CLASRP: variants seen among roughly 807,000 people sequenced by gnomAD.
The protein encoded by CLASRP is CLK4-associating serine/arginine rich protein.
A neutral mutation model predicts 99.9 loss-of-function variants in CLASRP; 52 were observed. The ratio of observed to expected loss-of-function variants is 0.52; its 90% CI spans 0.42 to 0.66. The LOEUF (loss-of-function observed/expected upper bound fraction) is 0.66. Among genes scored for constraint, CLASRP ranks in the 30% least tolerant of loss-of-function variants. The pLI is 0.00. For missense variants in CLASRP, 848 were observed against 999.2 expected (o/e 0.85, Z 2.04); for synonymous variants, 379 against 373.0 (o/e 1.02, Z -0.18).
rs771378485 is a variant in CLASRP, at chr19:45,052,158, C to A, written c.187C>A (p.Pro63Thr). 1 of 1,613,780 alleles carries A rather than the reference C, an allele frequency of 6.2e-7. No homozygotes were observed. The highest frequency in any genetic ancestry group is 8.5e-7 in the Non-Finnish European group (1 of 1,179,914). ...DSAVALAAES[P>T]VNMMPWQGDT... ...TGCAGTCGCCCTGGCCGCTGAGAGC[C>A]CTGTTAATATGTAAGACTGATATGG... is the stretch of plus-strand genomic sequence containing the variant. Residue 63 changes from proline to threonine, a missense_variant, in exon 3 of 21, where the codon CCT becomes ACT. By Grantham distance (38) the Pro-to-Thr change is conservative. Transcript: ENST00000221455.
chr19:45,061,512 AGG>A (rs1372928818), intron 10 of CLASRP, among the ~76,000 whole-genome samples: 2 of 151,812 alleles, frequency 1.3e-5, no homozygotes, highest in Non-Finnish European at 2.9e-5. Context: ...TCTGTCACCC[AGG>A]CTGGAGTGCA....
intron 19 of CLASRP, among the ~76,000 whole-genome samples, 188 bp downstream of exon 19, chr19:45,070,292 GAC>G (rs1967207703): frequency 6.6e-6 from 1 of 152,038 alleles, no homozygotes; most frequent in African/African-American, 2.4e-5. Flanking sequence ...CCAACATGGT[GAC>G]ACACATACGT....
chr19:45,058,336 C>T (rs1972161634), intron 7 of CLASRP: 1 of 162,644 alleles, frequency 6.1e-6, no homozygotes, highest in Admixed American at 5.8e-5. Flanking sequence ...CCCCAAGTCT[C>T]TCTGTTTTTC....
rs1367973044 is a variant in CLASRP, at chr19:45,056,521, G to T, written c.451G>T (p.Asp151Tyr). The T allele has an allele frequency of 6.2e-7, 1 of 1,613,800 alleles. No individual in the cohort carries two copies. Among genetic ancestry groups the T allele is most frequent in the Non-Finnish European group, 8.5e-7 (1 of 1,179,966 alleles). ...CGGAGGCCTCCAGAGACCCAGCGAA[G>T]ATGAGAAGAAGAAGTGAGTCGGGGT... Reference protein sequence around the residue: ...LYGGLQRPSEDEKKKLAEKKA... With the variant: ...LYGGLQRPSEYEKKKLAEKKA... Residue 151 changes from aspartate to tyrosine, a missense_variant, in exon 6 of 21, where the codon GAT becomes TAT. Around this residue, in one of 8 missense-constraint regions of CLASRP, gnomAD observed 119 missense variants for 170.2 expected, o/e 0.70. Coordinates refer to ENST00000221455, the MANE Select transcript of CLASRP (RefSeq NM_007056.3).
chr19:45,069,375 G>C (rs1296834715), intron 18 of CLASRP, 127 bp downstream of exon 18: 2 of 914,108 alleles, frequency 2.2e-6, no homozygotes, highest in Admixed American at 2.0e-5. Context: ...ATCCCTGCCT[G>C]GCCCTCGGGG....
At chr19:45,059,212 T>C (rs1966885550) in intron 7 of CLASRP, 56 bp from the exon 8 acceptor site, 10 of 1,473,102 alleles carry the variant, frequency 6.8e-6, no homozygotes, top group Admixed American at 1.9e-5. Context: ...GCACTGCCCC[T>C]TCTCCCCTGT....
At chr19:45,056,564 GAGGAGGC>G (rs1568416222) in intron 6 of CLASRP, 30 bp downstream of exon 6, 1 of 1,580,466 alleles carries the variant, frequency 6.3e-7, no homozygotes. Context: ...GCAGGGGGTT[GAGGAGGC>G]AGGAGGGCTG....
intron 2 of CLASRP, among the ~76,000 whole-genome samples, chr19:45,045,890 A>T (rs749784749): frequency 2.0e-5 from 3 of 152,128 alleles, no homozygotes; most frequent in Non-Finnish European, 4.4e-5. Context: ...GGTGCAGAGG[A>T]AGGAAGGCTG....
intron 2 of CLASRP, among the ~76,000 whole-genome samples, chr19:45,042,180 A>G (rs913416557): frequency 2.6e-5 from 4 of 152,156 alleles, no homozygotes; most frequent in African/African-American, 9.7e-5. Context: ...CGTCTCTACT[A>G]AAAATACAGA....
chr19:45,040,395 AGTAT>A, intron 2 of CLASRP, 84 bp downstream of exon 2: 1 of 891,932 alleles, frequency 1.1e-6, no homozygotes, highest in Non-Finnish European at 1.8e-6. Context: ...TGGGCTTGGA[AGTAT>A]GTCAAGACAA....
At chr19:45,043,687 C>T (rs1008647677) in intron 2 of CLASRP, among the ~76,000 whole-genome samples, 1 of 152,096 alleles carries the variant, frequency 6.6e-6, no homozygotes, top group Non-Finnish European at 1.5e-5. Context: ...CTCTTACTTC[C>T]ACTCAGCAGA....
At position 45,064,396 on chromosome 19, in the gene CLASRP, C is replaced by T. The variant is rs1228250380; in HGVS notation, c.1175C>T (p.Ser392Phe). The T allele has an allele frequency of 2.0e-6, 3 of 1,531,712 alleles. No individual in the cohort carries two copies. The highest frequency in any genetic ancestry group is 1.7e-4 in the Middle Eastern group (1 of 5,910). The allele number at this position is 1,531,712 out of a possible 1,614,324, so 94.9% of individuals were successfully genotyped here. A position where few individuals can be genotyped will look rare whatever the true frequency, so the allele number is the denominator to read the frequency against. ...TCTTCTGCCTCGAGGACCTCCAGCT[C>T]CCGCTCCAGCTCTCGCTCCAGCTCC... ...SSSSASRTSS[S>F]RSSSRSSSRS... The change falls in exon 13 of 21, where the codon TCC (serine) becomes TTC (phenylalanine). Residue 392 changes from serine (S) to phenylalanine (F), a missense_variant. By Grantham distance (155) the Ser-to-Phe change is radical. Coordinates refer to ENST00000221455, the MANE Select transcript of CLASRP (RefSeq NM_007056.3).
intron 2 of CLASRP, among the ~76,000 whole-genome samples, chr19:45,041,767 G>A (rs985170099): frequency 2.0e-5 from 3 of 152,156 alleles, no homozygotes; most frequent in Non-Finnish European, 4.4e-5. Context: ...GTCCTGCATG[G>A]CCTGGCCTTT....
intron 15 of CLASRP, 110 bp from the exon 16 acceptor site, chr19:45,068,310 C>T (rs1967141386): frequency 2.3e-5 from 14 of 603,872 alleles, no homozygotes; most frequent in South Asian, 2.0e-4. Context: ...CCACGTCGTT[C>T]TCCCCCCCCC....
At position 45,052,887 on chromosome 19, in the gene CLASRP, C is replaced by A; in HGVS notation, c.294C>A (p.Thr98=). The change falls in exon 4 of 21, where the codon ACC becomes ACA. Residue 98 remains threonine, a synonymous_variant. Coordinates refer to ENST00000221455, the MANE Select transcript of CLASRP (RefSeq NM_007056.3). ...HIPDYTPPLL[T]TISPEQESDE... is the part of the protein sequence containing the mutation. Reference sequence around the variant, plus strand: ...CCGACTACACCCCCCCTCTGCTCACCACCATGTAAGCCACCTCCCAGGGGG... The same window carrying A: ...CCGACTACACCCCCCCTCTGCTCACAACCATGTAAGCCACCTCCCAGGGGG... The A allele has an allele frequency of 6.2e-7, 1 of 1,605,098 alleles. No homozygotes were observed. The highest frequency in any genetic ancestry group is 1.7e-4 in the Middle Eastern group (1 of 5,988).
intron 2 of CLASRP, among the ~76,000 whole-genome samples, chr19:45,047,188 A>T (rs748491328): frequency 6.6e-6 from 1 of 152,194 alleles, no homozygotes; most frequent in Non-Finnish European, 1.5e-5. Flanking sequence ...AATATTATTC[A>T]ATCTTAAAAA....
Position 45,060,647 on chromosome 19 carries a change from C to A in CLASRP, c.863+20C>A. 2 of 1,549,842 alleles carry A rather than the reference C, an allele frequency of 1.3e-6. No homozygotes were observed. Among genetic ancestry groups the A allele is most frequent in the Non-Finnish European group, 8.7e-7 (1 of 1,144,350 alleles). On this transcript the variant is annotated intron_variant, in intron 10 of 20. Coordinates refer to ENST00000221455, the MANE Select transcript of CLASRP (RefSeq NM_007056.3). This position sits in a 1 kb window ranked among gnomAD's most constrained non-coding sequence, Gnocchi z 4.6. ...ACCCAGGTAGGGCTTCTCCCTGAAC[C>A]CCCACCCTGCTGGCATCTGGGGGAG...
intron 11 of CLASRP, among the ~76,000 whole-genome samples, chr19:45,063,477 A>G (rs1966989885): frequency 3.6e-5 from 2 of 55,072 alleles, no homozygotes; most frequent in Admixed American, 5.6e-4. Context: ...ACGGAGTCTC[A>G]CTCTGTTGCC....
chr19:45,049,427 G>A (rs991204438), intron 2 of CLASRP, among the ~76,000 whole-genome samples: 1 of 152,196 alleles, frequency 6.6e-6, no homozygotes, highest in Admixed American at 6.5e-5. Flanking sequence ...GCGCCACCTC[G>A]CTGGGCCTGT....
Sources: gnomAD v4.1 joint callset for allele counts (sites outside exome capture counted in the v4.1 genomes callset) on GRCh38, gnomAD v4.1.1 for gene constraint, gnomAD v4.1.1 regional missense constraint, Gnocchi (gnomAD v3.1) non-coding constraint, MANE v1.5 for transcripts, NCBI Gene and HGNC (gene_info 2026-07-23, HGNC 2026-07-21) for gene names.